The following CLDN10 variants were observed in gnomAD, a reference collection of about 807,000 sequenced individuals.
CLDN10 encodes claudin-10.
Under a neutral mutation model 22.9 loss-of-function variants are expected in CLDN10, and 15 were observed. The ratio of observed to expected loss-of-function variants is 0.65; its 90% CI spans 0.44 to 1.01. The LOEUF (loss-of-function observed/expected upper bound fraction) is 1.01. Among genes scored for constraint, CLDN10 ranks in the 50% least tolerant of loss-of-function variants. The pLI is 0.00. For missense variants in CLDN10, 247 were observed against 287.8 expected (o/e 0.86, Z 1.03); for synonymous variants, 114 against 111.4 (o/e 1.02, Z -0.15).
intron 3 of CLDN10, among the ~76,000 whole-genome samples, chr13:95,566,959 T>C (rs1258452005): frequency 6.6e-6 from 1 of 152,150 alleles, no homozygotes; most frequent in East Asian, 1.9e-4. Context: ...CTGAGGCCTC[T>C]GTTCTGTTCC....
intron 1 of CLDN10, among the ~76,000 whole-genome samples, chr13:95,458,933 C>T (rs976701141): frequency 1.3e-5 from 2 of 152,160 alleles, no homozygotes; most frequent in Admixed American, 6.5e-5. Context: ...TTCTGAGATG[C>T]AATGGGAGTA....
At chr13:95,451,319 G>A (rs759275827) in intron 1 of CLDN10, among the ~76,000 whole-genome samples, 10 of 152,180 alleles carry the variant, frequency 6.6e-5, no homozygotes, top group Non-Finnish European at 1.0e-4. Context: ...TCATCACTCC[G>A]CATCTCTCTC....
intron 3 of CLDN10, among the ~76,000 whole-genome samples, chr13:95,576,957 A>G (rs1014503119): frequency 6.6e-6 from 1 of 152,220 alleles, no homozygotes; most frequent in Non-Finnish European, 1.5e-5. Flanking sequence ...GTGCTGGCTG[A>G]GTCAGGAGAC....
chr13:95,489,753 G>C (rs535674465), intron 1 of CLDN10, among the ~76,000 whole-genome samples: 1 of 152,158 alleles, frequency 6.6e-6, no homozygotes, highest in African/African-American at 2.4e-5. Flanking sequence ...TGTTTTTATT[G>C]CATTTGTTTT....
chr13:95,492,152 G>A (rs952554289), intron 1 of CLDN10, among the ~76,000 whole-genome samples: 5 of 152,258 alleles, frequency 3.3e-5, no homozygotes, highest in Non-Finnish European at 5.9e-5. Context: ...CTCCTGCCAG[G>A]AGGTGGTGCT....
chr13:95,512,121 C>CTT (rs57359573), intron 1 of CLDN10, among the ~76,000 whole-genome samples: 2 of 10,492 alleles, frequency 1.9e-4, no homozygotes, highest in African/African-American at 4.0e-4. Flanking sequence ...ATCGTCTCTC[C>CTT]TTTTTTTTTG....
At chr13:95,481,151 A>C (rs541382980) in intron 1 of CLDN10, among the ~76,000 whole-genome samples, 132 of 152,278 alleles carry the variant, frequency 8.7e-4, no homozygotes, top group Middle Eastern at 3.4e-3. Context: ...GAGGCAGAAA[A>C]TTCCCAGGCA....
At chr13:95,479,042 C>G (rs2139112457) in intron 1 of CLDN10, among the ~76,000 whole-genome samples, 1 of 152,334 alleles carries the variant, frequency 6.6e-6, no homozygotes, top group Non-Finnish European at 1.5e-5. Context: ...TAGAAGATAA[C>G]AAGCTTCCTA....
At chr13:95,517,596 G>A (rs1202557915) in intron 1 of CLDN10, among the ~76,000 whole-genome samples, 1 of 152,098 alleles carries the variant, frequency 6.6e-6, no homozygotes, top group Non-Finnish European at 1.5e-5. Context: ...CATGCAGGGA[G>A]AATTTCCTGA....
In CLDN10 at chr13:95,451,578, A is replaced by C. The variant is rs550381077; in HGVS notation, c.214+17531A>C. Among the ~76,000 whole-genome samples the C allele has an allele frequency of 1.1e-4, 16 of 152,270 alleles. No homozygotes were observed. In the East Asian group the frequency reaches 2.7e-3, roughly 26 times the overall value. ...CCCTAGTAGCTGGGACTACAGGTGC[A>C]AGCCTCCATGCACAGCTGGTACTTC... is the stretch of plus-strand genomic sequence containing the variant. On this transcript the variant is annotated intron_variant, in intron 1 of 4. Coordinates refer to the CLDN10 transcript ENST00000376873.
Position 95,577,353 on chromosome 13 carries a change from CA to C in CLDN10, c.572+20del. ...AAAACACCCAGGTATGAAAAAGAGA[CA>C]AAAATGACCTGTTAAAAAGTAGAAT... On this transcript the variant is annotated intron_variant, in intron 4 of 4. Coordinates refer to ENST00000299339, the MANE Select transcript of CLDN10 (RefSeq NM_006984.5). 1.4e-6 allele frequency: 2 copies of C among 1,472,494 alleles called. No individual in the cohort carries two copies. The highest frequency in any genetic ancestry group is 1.9e-6 in the Non-Finnish European group (2 of 1,051,354). The allele number at this position is 1,472,494 out of a possible 1,614,324, so 91.2% of individuals were successfully genotyped here. A position where few individuals can be genotyped will look rare whatever the true frequency, so the allele number is the denominator to read the frequency against.
intron 3 of CLDN10, among the ~76,000 whole-genome samples, chr13:95,575,196 T>A (rs1448078724): frequency 1.3e-5 from 2 of 152,300 alleles, no homozygotes; most frequent in East Asian, 3.9e-4. Context: ...TAGCCTAACC[T>A]GTACTGGGAA....
chr13:95,558,391 C>G (rs886474737), intron 1 of CLDN10, among the ~76,000 whole-genome samples: 2 of 152,182 alleles, frequency 1.3e-5, no homozygotes, highest in Admixed American at 1.3e-4. Flanking sequence ...ATGAAAGAAG[C>G]CTTCATTATC....
intron 1 of CLDN10, among the ~76,000 whole-genome samples, chr13:95,558,771 A>T (rs1257066794): frequency 6.6e-6 from 1 of 152,262 alleles, no homozygotes; most frequent in East Asian, 1.9e-4. Flanking sequence ...ATAAAAATTT[A>T]AAAATTAGCC....
At chr13:95,441,935 G>A (rs2042328338) in intron 1 of CLDN10, among the ~76,000 whole-genome samples, 1 of 152,192 alleles carries the variant, frequency 6.6e-6, no homozygotes, top group Non-Finnish European at 1.5e-5. Flanking sequence ...TGGATCGCTT[G>A]AGCGCAGAAG....
rs567244587 is a variant in CLDN10, at chr13:95,446,921, G to T, written c.214+12874G>T. On this transcript the variant is annotated intron_variant, in intron 1 of 4. Transcript: ENST00000376873. ...TAATTGATATCTGGAAGGGTCCTAA[G>T]AAGCCCACAGTGTATGCCATCTAAC... 2.6e-5 allele frequency among the ~76,000 whole-genome samples: 4 copies of T among 152,224 alleles called. No homozygotes were observed. In the East Asian group the frequency reaches 7.7e-4, roughly 29 times the overall value.
rs1283668143 is a variant in CLDN10 at position 95,578,416 on chromosome 13, A to C, written c.*402A>C. ...TAAGGAACAATGTCTTATAAACAGC[A>C]TGGGGGCAATCTGAGAATATTCCTC... On this transcript the variant is annotated 3_prime_UTR_variant, in exon 5 of 5. Coordinates refer to ENST00000299339, the MANE Select transcript of CLDN10 (RefSeq NM_006984.5). 6.5e-6 allele frequency: 1 copy of C among 152,868 alleles called. No individual in the cohort carries two copies. Among genetic ancestry groups the C allele is most frequent in the Non-Finnish European group, 1.5e-5 (1 of 68,522 alleles). 9.5% of individuals were successfully genotyped at this position (152,868 alleles called of 1,614,324 possible).
intron 1 of CLDN10, among the ~76,000 whole-genome samples, chr13:95,481,119 G>T (rs1566292681): frequency 6.6e-6 from 1 of 152,222 alleles, no homozygotes; most frequent in Non-Finnish European, 1.5e-5. Context: ...GGACCCCAGA[G>T]AGGAAGCTGG....
intron 1 of CLDN10, among the ~76,000 whole-genome samples, chr13:95,474,752 T>C (rs2042668614): frequency 1.3e-5 from 2 of 151,940 alleles, no homozygotes; most frequent in Admixed American, 1.3e-4. Flanking sequence ...CAAGTAGAGA[T>C]TGATAAGTGC....
Sources: gnomAD v4.1 joint callset for allele counts (sites outside exome capture counted in the v4.1 genomes callset) on GRCh38, gnomAD v4.1.1 for gene constraint, MANE v1.5 for transcripts, NCBI Gene and HGNC (gene_info 2026-07-23, HGNC 2026-07-21) for gene names.